The following PRSS22 variants were observed in gnomAD, a reference collection of about 807,000 sequenced individuals.
PRSS22 encodes the protein brain-specific serine protease 4.
PRSS22 carries 26 observed loss-of-function variants against 28.0 expected under a neutral mutation model. The observed-to-expected ratio is 0.93, with a 90% CI of 0.68 to 1.29. PRSS22 has a LOEUF of 1.29. PRSS22 is among the 50% of genes most tolerant of loss of function. The pLI, the probability that PRSS22 is intolerant of heterozygous loss-of-function variation, is 0.00. For missense variants in PRSS22, 444 were observed against 422.1 expected, an observed-to-expected ratio of 1.05 and a Z score of -0.46; for synonymous variants, 217 against 177.9, an observed-to-expected ratio of 1.22 and a Z score of -1.75.
chr16:2,856,718 C>A, intron 2 of PRSS22, 104 bp downstream of exon 2: 1 of 1,371,806 alleles, frequency 7.3e-7, no homozygotes, highest in Non-Finnish European at 1.0e-6. Flanking sequence ...CCCCTCTCAC[C>A]CCAGCCCCTT....
chr16:2,852,879 C>T lies in PRSS22; in HGVS notation c.*214G>A, dbSNP rs2069416512. On this transcript the variant is annotated 3_prime_UTR_variant, in exon 6 of 6. Transcript: ENST00000161006. ...AGTCGTGGGGGCGGGGACATGAGGC[C>T]GTTGGGCGGGGCCTGATGCCTTGGA... The T allele has an allele frequency of 1.9e-6, 1 of 524,460 alleles. No homozygotes were observed. Among genetic ancestry groups the T allele is most frequent in the African/African-American group, 2.3e-5 (1 of 43,444 alleles). 32.5% of individuals were successfully genotyped at this position (524,460 alleles called of 1,614,324 possible).
chr16:2,857,694 C>T, intron 1 of PRSS22: 1 of 219,810 alleles, frequency 4.5e-6, no homozygotes, highest in Non-Finnish European at 8.9e-6. Context: ...TGACCTCCTG[C>T]GGCAGGAACA....
At chr16:2,854,211 A>G in intron 4 of PRSS22, 189 bp from the exon 5 acceptor site, 1 of 619,614 alleles carries the variant, frequency 1.6e-6, no homozygotes, top group Non-Finnish European at 2.8e-6. Flanking sequence ...GGCCCTGCTG[A>G]ATTAGAACAT....
Position 2,853,198 on chromosome 16 carries a change from G to A in PRSS22, c.849C>T (p.Ser283=), listed in dbSNP as rs917898057. The stretch of plus-strand genomic sequence containing the variant: ...CCCCTTGCACGATCTTCTCCACCCA[G>A]GAGCGGTGCGCAGAGAGGCTGATGT... ...GVYISLSAHR[S]WVEKIVQGVQ... Residue 283 remains serine (S), a synonymous_variant, in exon 6 of 6, where the codon TCC becomes TCT. Coordinates refer to ENST00000161006, the MANE Select transcript of PRSS22 (RefSeq NM_022119.4). This position sits in a 1 kb window ranked among gnomAD's most constrained non-coding sequence, Gnocchi z 4.6. The A allele has an allele frequency of 3.7e-6, 6 of 1,600,126 alleles. No homozygotes were observed. The Admixed American group carries it at 1.0e-4, about 27-fold the overall frequency.
rs746897764 is a variant in PRSS22, at chr16:2,853,321, G to A, written c.726C>T (p.Ser242=). 1.2e-5 allele frequency: 19 copies of A among 1,595,976 alleles called. No individual in the cohort carries two copies. The highest frequency in any genetic ancestry group is 1.4e-5 in the Non-Finnish European group (17 of 1,178,358). Residue 242 remains serine (S), a synonymous_variant, in exon 6 of 6, where the codon TCC becomes TCT. Transcript: ENST00000161006. The surrounding 1 kb of genome is among the most constrained non-coding windows in gnomAD (Gnocchi z 4.6). ...CCACCTGGCACATGAGGGGGCCCCC[G>A]GAGTCGCCCTGCAGAGAGGAGGCGA... ...EGERDACLGD[S]GGPLMCQVDG...
rs562693689 is a variant in PRSS22, at chr16:2,853,315, G to T, written c.732C>A (p.Gly244=). 1 of 1,596,918 alleles carries T rather than the reference G, an allele frequency of 6.3e-7. No homozygotes were observed. The highest frequency in any genetic ancestry group is 2.2e-5 in the East Asian group (1 of 44,826). ...ERDACLGDSG[G]PLMCQVDGAW... ...CGCCGTCCACCTGGCACATGAGGGG[G>T]CCCCCGGAGTCGCCCTGCAGAGAGG... Residue 244 remains glycine (G), a synonymous_variant, in exon 6 of 6, where the codon GGC becomes GGA. Transcript: ENST00000161006. The surrounding 1 kb of genome is among the most constrained non-coding windows in gnomAD (Gnocchi z 4.6).
chr16:2,857,785 T>C (rs2069476729), intron 1 of PRSS22: 8 of 370,006 alleles, frequency 2.2e-5, no homozygotes, highest in Non-Finnish European at 3.8e-5. Flanking sequence ...GAGCAGGCGA[T>C]GGCGACGCCG....
At chr16:2,855,907 G>C in intron 3 of PRSS22, 56 bp from the exon 4 acceptor site, 2 of 1,571,698 alleles carry the variant, frequency 1.3e-6, no homozygotes, top group East Asian at 4.5e-5. Context: ...GGAGGTACCT[G>C]GGGGAACAGC....
chr16:2,857,625 G>T, intron 1 of PRSS22: 1 of 169,518 alleles, frequency 5.9e-6, no homozygotes, highest in Non-Finnish European at 1.2e-5. Flanking sequence ...GCTCCTCGAG[G>T]GAGGCACAGA....
At chr16:2,855,083 C>T (rs1288418114) in intron 4 of PRSS22, among the ~76,000 whole-genome samples, 2 of 152,092 alleles carry the variant, frequency 1.3e-5, no homozygotes, top group East Asian at 3.8e-4. Flanking sequence ...CACAGTGGCT[C>T]ACACCTGTAA....
rs1027953509 is a variant in PRSS22 at position 2,853,424 on chromosome 16, C to G, written c.718-95G>C. ...GTCAGGGGGCAGATGAGCCCCTTCCCGGGAGCCCGTTTCTCCTTCCTGGAG... is the reference window on the plus strand; with the variant it reads ...GTCAGGGGGCAGATGAGCCCCTTCCGGGGAGCCCGTTTCTCCTTCCTGGAG... On this transcript the variant is annotated intron_variant, in intron 5 of 5. Coordinates refer to ENST00000161006, the MANE Select transcript of PRSS22 (RefSeq NM_022119.4). This position sits in a 1 kb window ranked among gnomAD's most constrained non-coding sequence, Gnocchi z 4.6. The G allele has an allele frequency of 3.9e-6, 4 of 1,025,380 alleles. No individual in the cohort carries two copies. The highest frequency in any genetic ancestry group is 5.6e-6 in the Non-Finnish European group (4 of 711,470). 63.5% of individuals were successfully genotyped at this position (1,025,380 alleles called of 1,614,324 possible).
rs751220535 is a variant in PRSS22 at position 2,854,033 on chromosome 16, A to G, written c.560-11T>C. On this transcript the variant is annotated splice_polypyrimidine_tract_variant and intron_variant, in intron 4 of 5. Coordinates refer to ENST00000161006, the MANE Select transcript of PRSS22 (RefSeq NM_022119.4). ...GGTGGGGCAAGGGAACTGGGAGGAAAGAGGACAGAATCAGGTTTGGGGGTC... is the reference window on the plus strand; with the variant it reads ...GGTGGGGCAAGGGAACTGGGAGGAAGGAGGACAGAATCAGGTTTGGGGGTC... The G allele has an allele frequency of 2.5e-6, 4 of 1,613,956 alleles. No homozygotes were observed. The highest frequency in any genetic ancestry group is 2.5e-6 in the Non-Finnish European group (3 of 1,180,024).
chr16:2,853,215 G>A lies in PRSS22; in HGVS notation c.832C>T (p.Leu278Phe). ...TCCACCCAGGAGCGGTGCGCAGAGA[G>A]GCTGATGTAGACCCCGGGCCTGTTG... is the stretch of plus-strand genomic sequence containing the variant. ...ERNRPGVYIS[L>F]SAHRSWVEKI... Residue 278 changes from leucine (L) to phenylalanine (F), a missense_variant, in exon 6 of 6, where the codon CTC (leucine) becomes TTC (phenylalanine). Physicochemically the swap from Leu to Phe is conservative, Grantham distance 22. Coordinates refer to ENST00000161006, the MANE Select transcript of PRSS22 (RefSeq NM_022119.4). The surrounding 1 kb of genome is among the most constrained non-coding windows in gnomAD (Gnocchi z 4.6). 1.2e-6 allele frequency: 2 copies of A among 1,600,706 alleles called. No homozygotes were observed. The highest frequency in any genetic ancestry group is 1.7e-6 in the Non-Finnish European group (2 of 1,179,746).
chr16:2,853,034 CCAGATCCAGATG>C lies in PRSS22; in HGVS notation c.*47_*58del. The C allele has an allele frequency of 1.2e-5, 14 of 1,192,202 alleles. No homozygotes were observed. The highest frequency in any genetic ancestry group is 1.6e-5 in the Non-Finnish European group (14 of 869,618). The allele number at this position is 1,192,202 out of a possible 1,614,324, so 73.9% of individuals were successfully genotyped here. A position where few individuals can be genotyped will look rare whatever the true frequency, so the allele number is the denominator to read the frequency against. ...GAAACCGCCCGAGGCCGCCGCAGATCCAGATCCAGATGTGGATCTGGCCGCCTTTCAGATCCG... is the reference window on the plus strand; with the variant it reads ...GAAACCGCCCGAGGCCGCCGCAGATCTGGATCTGGCCGCCTTTCAGATCCG... On this transcript the variant is annotated 3_prime_UTR_variant, in exon 6 of 6. Coordinates refer to ENST00000161006, the MANE Select transcript of PRSS22 (RefSeq NM_022119.4). The surrounding 1 kb of genome is among the most constrained non-coding windows in gnomAD (Gnocchi z 4.6).
chr16:2,856,740 C>T, intron 2 of PRSS22, 82 bp downstream of exon 2: 1 of 1,484,270 alleles, frequency 6.7e-7, no homozygotes, highest in Non-Finnish European at 9.2e-7. Context: ...CTGACCTGTG[C>T]CCAGGGGACG....
intron 1 of PRSS22, chr16:2,857,082 T>G: frequency 6.0e-5 from 28 of 470,250 alleles, no homozygotes; most frequent in East Asian, 1.6e-4. Context: ...GGGGTCCCAG[T>G]ACCCAGTGAG....
chr16:2,857,762 C>T (rs934096165), intron 1 of PRSS22: 1 of 354,558 alleles, frequency 2.8e-6, no homozygotes, highest in Non-Finnish European at 5.0e-6. Flanking sequence ...TGGGAGAACA[C>T]GGAGGCGAGA....
Position 2,856,189 on chromosome 16 carries a change from G to A in PRSS22, c.174C>T (p.Asp58=). ...TGCTCACGATCCAGGGCCACTCGCT[G>A]TCAGTGCTGTCCTCGCCGCCCACAA... is the stretch of plus-strand genomic sequence containing the variant. ...NRVVGGEDST[D]SEWPWIVSIQ... The change falls in exon 3 of 6, where the codon GAC becomes GAT. Residue 58 remains aspartate, a synonymous_variant. Coordinates refer to ENST00000161006, the MANE Select transcript of PRSS22 (RefSeq NM_022119.4). 1 of 1,613,882 alleles carries A rather than the reference G, an allele frequency of 6.2e-7. No homozygotes were observed. Among genetic ancestry groups the A allele is most frequent in the African/African-American group, 1.3e-5 (1 of 74,992 alleles).
chr16:2,854,026 G>C lies in PRSS22; in HGVS notation c.560-4C>G, dbSNP rs1032599873. ...GTCTGAGGGTGGGGCAAGGGAACTGGGAGGAAAGAGGACAGAATCAGGTTT... is the reference window on the plus strand; with the variant it reads ...GTCTGAGGGTGGGGCAAGGGAACTGCGAGGAAAGAGGACAGAATCAGGTTT... On this transcript the variant is annotated splice_region_variant and splice_polypyrimidine_tract_variant and intron_variant, in intron 4 of 5. Transcript: ENST00000161006. 8 of 1,613,998 alleles carry C rather than the reference G, an allele frequency of 5.0e-6. No homozygotes were observed. Among genetic ancestry groups the C allele is most frequent in the Non-Finnish European group, 6.8e-6 (8 of 1,180,036 alleles).
Sources: allele counts gnomAD v4.1 joint callset (sites outside exome capture counted in the v4.1 genomes callset), GRCh38; gene constraint gnomAD v4.1.1; non-coding constraint Gnocchi (gnomAD v3.1); transcripts MANE v1.5; gene names NCBI Gene and HGNC (gene_info 2026-07-23, HGNC 2026-07-21).